SIL1: variants seen among roughly 807,000 people sequenced by gnomAD.
The protein encoded by SIL1 is nucleotide exchange factor SIL1.
A neutral mutation model predicts 49.1 loss-of-function variants in SIL1; 40 were observed. That is an observed-to-expected ratio of 0.81 (90% confidence interval 0.63 to 1.06). SIL1 has a LOEUF of 1.06. SIL1 is among the 50% of genes least tolerant of loss of function. The pLI is 0.00. For missense variants in SIL1, 500 were observed against 572.6 expected (o/e 0.87, Z 1.29); for synonymous variants, 253 against 250.8 (o/e 1.01, Z -0.08).
intron 7 of SIL1, among the ~76,000 whole-genome samples, chr5:138,975,099 C>A (rs550752279): frequency 1.3e-5 from 2 of 152,192 alleles, no homozygotes; most frequent in African/African-American, 2.4e-5. Context: ...ATAAAAACAC[C>A]CCATTTTTAG....
chr5:139,006,902 C>T (rs368497831), intron 7 of SIL1, among the ~76,000 whole-genome samples: 1 of 147,972 alleles, frequency 6.8e-6, no homozygotes, highest in East Asian at 2.0e-4. Context: ...GTGATGCCTC[C>T]AGCTTTGTTC....
At chr5:139,000,879 T>C (rs1767967662) in intron 7 of SIL1, among the ~76,000 whole-genome samples, 1 of 151,732 alleles carries the variant, frequency 6.6e-6, no homozygotes, top group Non-Finnish European at 1.5e-5. Flanking sequence ...ACATATGAAA[T>C]ATATAATTAC....
intron 1 of SIL1, among the ~76,000 whole-genome samples, chr5:139,193,726 G>A (rs1243112144): frequency 6.6e-6 from 1 of 152,228 alleles, no homozygotes; most frequent in Non-Finnish European, 1.5e-5. Flanking sequence ...ATGGTCATGG[G>A]TAGGGTAACT....
At chr5:139,074,383 T>A (rs1055046453) in intron 3 of SIL1, among the ~76,000 whole-genome samples, 2 of 152,222 alleles carry the variant, frequency 1.3e-5, no homozygotes, top group African/African-American at 4.8e-5. Flanking sequence ...CATCATGTTG[T>A]ACATGGAAAA....
intron 1 of SIL1, among the ~76,000 whole-genome samples, chr5:139,190,410 C>G (rs996520676): frequency 6.6e-6 from 1 of 152,338 alleles, no homozygotes; most frequent in Non-Finnish European, 1.5e-5. Context: ...AAATCTTCAA[C>G]CATGAGGGTA....
intron 5 of SIL1, chr5:139,034,317 T>C (rs1768855967): frequency 6.6e-6 from 1 of 152,164 alleles, no homozygotes; most frequent in Non-Finnish European, 1.5e-5. Context: ...ACAATTATTA[T>C]ACATTTATGT....
intron 7 of SIL1, among the ~76,000 whole-genome samples, chr5:138,970,829 G>C (rs1330557185): frequency 2.6e-5 from 4 of 152,118 alleles, no homozygotes; most frequent in Admixed American, 6.6e-5. Flanking sequence ...TTGAACCTGG[G>C]AGGGGGAGGT....
chr5:139,056,328 G>A (rs1293566994), intron 3 of SIL1, among the ~76,000 whole-genome samples: 46 of 150,276 alleles, frequency 3.1e-4, no homozygotes, highest in Non-Finnish European at 5.6e-4. Context: ...CTGCCGCCCC[G>A]TCTGGGAGGT....
intron 9 of SIL1, among the ~76,000 whole-genome samples, chr5:138,949,998 A>G (rs1423299029): frequency 6.6e-6 from 1 of 151,948 alleles, no homozygotes; most frequent in Non-Finnish European, 1.5e-5. Context: ...CCCCTCCCCA[A>G]TCATGTCAGC....
intron 1 of SIL1, among the ~76,000 whole-genome samples, chr5:139,142,803 C>T (rs1040010276): frequency 4.6e-5 from 7 of 151,946 alleles, no homozygotes; most frequent in African/African-American, 1.7e-4. Flanking sequence ...GAGTCTCGCT[C>T]TGTTGCCCAG....
At chr5:139,040,702 T>C (rs1769029342) in intron 5 of SIL1, among the ~76,000 whole-genome samples, 1 of 151,936 alleles carries the variant, frequency 6.6e-6, no homozygotes, top group Non-Finnish European at 1.5e-5. Context: ...TTTCACCATG[T>C]TGGCCAGGCT....
intron 7 of SIL1, among the ~76,000 whole-genome samples, chr5:139,003,093 A>G (rs1408161096): frequency 6.6e-6 from 1 of 152,108 alleles, no homozygotes; most frequent in Non-Finnish European, 1.5e-5. Flanking sequence ...CCTTCGTCAC[A>G]TGGAACCACC....
chr5:139,104,289 G>A (rs1770655431), intron 3 of SIL1, among the ~76,000 whole-genome samples: 1 of 152,190 alleles, frequency 6.6e-6, no homozygotes, highest in African/African-American at 2.4e-5. Flanking sequence ...GGTCGAGCAT[G>A]GGTGTCCCTG....
chr5:139,093,382 C>A (rs2151777664), intron 3 of SIL1, among the ~76,000 whole-genome samples: 1 of 152,346 alleles, frequency 6.6e-6, no homozygotes, highest in South Asian at 2.1e-4. Context: ...AGTTCTAACA[C>A]AGGGAGACAG....
At chr5:139,159,773 G>A (rs1251769341) in intron 1 of SIL1, among the ~76,000 whole-genome samples, 1 of 152,166 alleles carries the variant, frequency 6.6e-6, no homozygotes, top group Admixed American at 6.5e-5. Flanking sequence ...CAGGTGCACA[G>A]GTGAAGAATA....
At chr5:139,072,351 C>T (rs1015538705) in intron 3 of SIL1, among the ~76,000 whole-genome samples, 9 of 152,048 alleles carry the variant, frequency 5.9e-5, no homozygotes, top group African/African-American at 1.2e-4. Context: ...ATGAATTCAA[C>T]GAATCAAAAG....
At chr5:139,140,304 A>G (rs1029613353) in intron 1 of SIL1, among the ~76,000 whole-genome samples, 16 of 152,136 alleles carry the variant, frequency 1.1e-4, no homozygotes, top group African/African-American at 3.9e-4. Flanking sequence ...ACAACTTTGT[A>G]ATAATGAGCT....
intron 1 of SIL1, among the ~76,000 whole-genome samples, chr5:139,189,215 G>A (rs990007362): frequency 1.3e-5 from 2 of 152,156 alleles, no homozygotes; most frequent in African/African-American, 4.8e-5. Context: ...CCCATCCAAG[G>A]AGGTGAGCAG....
chr5:139,171,082 G>T (rs988381032), intron 1 of SIL1, among the ~76,000 whole-genome samples: 1 of 150,496 alleles, frequency 6.6e-6, no homozygotes, highest in Non-Finnish European at 1.5e-5. Flanking sequence ...GAGGTGGGGG[G>T]GTCAGCCCCC....
Sources: gnomAD v4.1 joint callset for allele counts (sites outside exome capture counted in the v4.1 genomes callset) on GRCh38, gnomAD v4.1.1 for gene constraint, MANE v1.5 for transcripts, NCBI Gene and HGNC (gene_info 2026-07-23, HGNC 2026-07-21) for gene names.